ELF1: variants seen among roughly 807,000 people sequenced by gnomAD.
ELF1 encodes the protein E74 like ETS transcription factor 1.
ELF1 carries 24 observed loss-of-function variants against 59.9 expected under a neutral mutation model. The ratio of observed to expected loss-of-function variants is 0.40; its 90% CI spans 0.29 to 0.56. The LOEUF is 0.56. Ranked by LOEUF, ELF1 falls within the 20% of genes least tolerant of loss-of-function variation. The pLI is 0.44. For missense variants in ELF1, 627 were observed against 742.2 expected (o/e 0.84, Z 1.80); for synonymous variants, 248 against 266.2 (o/e 0.93, Z 0.67).
rs375400990 is a variant in ELF1, at chr13:40,940,386, G to GAAAAAAAA, written c.1256+527_1256+534dup. On this transcript the variant is annotated intron_variant, in intron 8 of 8. Transcript: ENST00000239882. ...GCTCTGAGGCAAATCTGATTTAACT[G>GAAAAAAAA]AAAAAAAAAAAAAAAAAAAAAAAAA... is the stretch of plus-strand genomic sequence containing the variant. Among the ~76,000 whole-genome samples, 80 of 109,844 alleles carry GAAAAAAAA rather than the reference G, an allele frequency of 7.3e-4. 2 individuals are homozygous for GAAAAAAAA. The highest frequency in any genetic ancestry group is 3.6e-3 in the East Asian group (7 of 1,964). 72.1% of individuals were successfully genotyped at this position (109,844 alleles called of 152,430 possible). A position where few individuals can be genotyped will look rare whatever the true frequency, so the allele number is the denominator to read the frequency against.
chr13:40,990,757 G>A (rs1437160700), intron 1 of ELF1, among the ~76,000 whole-genome samples: 1 of 151,254 alleles, frequency 6.6e-6, no homozygotes, highest in African/African-American at 2.4e-5. Flanking sequence ...CGGGAGGCTG[G>A]GGCAGAATTG....
At chr13:41,042,432 A>G (rs1055586659) in intron 1 of ELF1, among the ~76,000 whole-genome samples, 1 of 151,858 alleles carries the variant, frequency 6.6e-6, no homozygotes, top group East Asian at 1.9e-4. Context: ...TATATTTGGC[A>G]TATGTCCTAA....
chr13:40,969,777 C>T (rs1346858004), intron 2 of ELF1, among the ~76,000 whole-genome samples: 2 of 152,170 alleles, frequency 1.3e-5, no homozygotes, highest in African/African-American at 4.8e-5. Flanking sequence ...ACAATCATGG[C>T]TCACTGTAGC....
intron 1 of ELF1, among the ~76,000 whole-genome samples, chr13:41,007,583 G>C (rs535715046): frequency 6.6e-6 from 1 of 152,052 alleles, no homozygotes; most frequent in Non-Finnish European, 1.5e-5. Context: ...CAACTAAATG[G>C]AAGCACTGAG....
intron 1 of ELF1, among the ~76,000 whole-genome samples, chr13:40,999,653 A>G (rs1240001278): frequency 6.6e-6 from 1 of 152,190 alleles, no homozygotes; most frequent in South Asian, 2.1e-4. Context: ...CCATCCAAAA[A>G]CGATGAGGAC....
At position 40,941,242 on chromosome 13, in the gene ELF1, T is replaced by C; in HGVS notation, c.935A>G (p.Asp312Gly). The part of the protein sequence containing the change: ...EDPSSSIESS[D>G]PSLSSSATSN... ...AGTGGCTGATGAAGATAGCGATGGA[T>C]CTGAAGACTCTATGCTGGAACTTGG... Residue 312 changes from aspartate (D) to glycine (G), a missense_variant, in exon 8 of 9, where the codon GAT (aspartate) becomes GGT (glycine). Transcript: ENST00000239882. The C allele has an allele frequency of 6.2e-7, 1 of 1,614,208 alleles. No homozygotes were observed.
chr13:41,016,910 G>C (rs868789461), intron 1 of ELF1, among the ~76,000 whole-genome samples: 1 of 35,098 alleles, frequency 2.8e-5, no homozygotes, highest in Non-Finnish European at 4.9e-5. Context: ...GTGAAACTCC[G>C]TCTCAAAAAA....
At chr13:41,040,709 C>T (rs1876571796) in intron 1 of ELF1, among the ~76,000 whole-genome samples, 1 of 152,146 alleles carries the variant, frequency 6.6e-6, no homozygotes, top group South Asian at 2.1e-4. Context: ...GTAATGCTCG[C>T]TCATCTGCTG....
intron 1 of ELF1, among the ~76,000 whole-genome samples, chr13:41,005,905 T>C (rs535833318): frequency 6.6e-6 from 1 of 152,316 alleles, no homozygotes; most frequent in South Asian, 2.1e-4. Flanking sequence ...AGCTATCTTA[T>C]CCATTCATAT....
intron 1 of ELF1, among the ~76,000 whole-genome samples, chr13:41,031,601 C>T (rs1287014189): frequency 2.0e-5 from 3 of 151,754 alleles, no homozygotes; most frequent in South Asian, 4.2e-4. Flanking sequence ...GGGTGGATCA[C>T]GAGGTTGGGA....
intron 1 of ELF1, among the ~76,000 whole-genome samples, chr13:41,009,262 C>T (rs766681630): frequency 9.3e-5 from 14 of 151,172 alleles, no homozygotes; most frequent in Admixed American, 7.3e-4. Context: ...AGTATAAAGA[C>T]GATGCAAAGA....
chr13:40,943,183 T>C (rs1187079233), intron 6 of ELF1, 39 bp from the exon 7 acceptor site: 1 of 1,441,050 alleles, frequency 6.9e-7, no homozygotes, highest in Non-Finnish European at 9.2e-7. Context: ...GACCAAAATT[T>C]CATTTAAAAG....
intron 2 of ELF1, among the ~76,000 whole-genome samples, chr13:40,975,630 A>T (rs916098905): frequency 6.6e-6 from 1 of 152,204 alleles, no homozygotes; most frequent in Non-Finnish European, 1.5e-5. Flanking sequence ...AACTGTAGTG[A>T]CATGGCTACA....
intron 1 of ELF1, among the ~76,000 whole-genome samples, chr13:41,003,989 C>T (rs930762546): frequency 6.6e-6 from 1 of 151,988 alleles, no homozygotes; most frequent in South Asian, 2.1e-4. Context: ...AAAAGATTCA[C>T]ATTATAGTTC....
intron 1 of ELF1, among the ~76,000 whole-genome samples, chr13:41,000,237 C>CTTTTTTTTTTT (rs55938711): frequency 5.5e-5 from 3 of 54,752 alleles, no homozygotes; most frequent in African/African-American, 2.3e-4. Flanking sequence ...TTGAACCTGG[C>CTTTTTTTTTTT]TTTTTTTTTT....
chr13:40,941,120 C>A lies in ELF1; in HGVS notation c.1057G>T (p.Ala353Ser). 1 of 1,614,196 alleles carries A rather than the reference C, an allele frequency of 6.2e-7. No homozygotes were observed. The highest frequency in any genetic ancestry group is 1.3e-5 in the African/African-American group (1 of 75,036). The change falls in exon 8 of 9, where the codon GCA (alanine) becomes TCA (serine). Residue 353 changes from alanine (A) to serine (S), a missense_variant. Transcript: ENST00000239882. ...TVLKPGNSKA[A>S]KPKDPVEVAQ... ...ACTTCCACAGGATCTTTGGGTTTTG[C>A]AGCTTTAGAATTCCCTGGTTTTAGA...
chr13:40,963,476 T>TTA (rs1566173671), intron 2 of ELF1, among the ~76,000 whole-genome samples: 1 of 152,242 alleles, frequency 6.6e-6, no homozygotes, highest in African/African-American at 2.4e-5. Flanking sequence ...GTACTTGCTT[T>TTA]TATCATGAAA....
At chr13:40,972,293 C>T (rs1334521652) in intron 2 of ELF1, among the ~76,000 whole-genome samples, 1 of 152,176 alleles carries the variant, frequency 6.6e-6, no homozygotes, top group Admixed American at 6.5e-5. Context: ...TCCAAAAAAA[C>T]TGAACAACGC....
rs1339282635 is a variant in ELF1, at chr13:40,991,556, T to C, written c.-228-9274A>G. On this transcript the variant is annotated intron_variant, in intron 1 of 8. Coordinates refer to ENST00000239882, the MANE Select transcript of ELF1 (RefSeq NM_172373.4). ...TCTCCCAAAGTGCTGGGGTTACAGG[T>C]GTGAGCCACCATGCCTGGCCCGTTA... Among the ~76,000 whole-genome samples the C allele has an allele frequency of 2.6e-5, 4 of 152,010 alleles. No individual in the cohort carries two copies. The East Asian group carries it at 5.8e-4, about 22-fold the overall frequency.
Sources: gnomAD v4.1 joint callset for allele counts (sites outside exome capture counted in the v4.1 genomes callset) on GRCh38, gnomAD v4.1.1 for gene constraint, MANE v1.5 for transcripts, NCBI Gene and HGNC (gene_info 2026-07-23, HGNC 2026-07-21) for gene names.